Variants in AKNAD1 observed in about 807,000 individuals in gnomAD.
AKNAD1 encodes the protein protein AKNAD1.
A neutral mutation model predicts 90.8 loss-of-function variants in AKNAD1; 67 were observed. That is an observed-to-expected ratio of 0.74 (90% CI 0.61 to 0.90). AKNAD1 has a LOEUF of 0.90. Ranked by LOEUF, AKNAD1 falls within the 40% of genes least tolerant of loss-of-function variation. AKNAD1 has a pLI of 0.00. For missense variants in AKNAD1, 957 were observed against 975.4 expected (o/e 0.98, Z 0.25); for synonymous variants, 327 against 341.4 (o/e 0.96, Z 0.46).
intron 3 of AKNAD1, 117 bp downstream of exon 3, chr1:108,849,420 A>T: frequency 1.4e-6 from 1 of 702,074 alleles, no homozygotes; most frequent in Admixed American, 2.2e-5. Context: ...TCAAGGCTGC[A>T]ATGAACCAAG....
chr1:108,857,729 T>C (rs977651628), upstream of AKNAD1, among the ~76,000 whole-genome samples: 1 of 152,204 alleles, frequency 6.6e-6, no homozygotes, highest in Non-Finnish European at 1.5e-5. Context: ...GCATTGTTTC[T>C]ACTTACCTTA....
intron 4 of AKNAD1, 33 bp from the exon 5 acceptor site, chr1:108,848,847 G>A (rs749813138): frequency 3.7e-6 from 6 of 1,606,080 alleles, no homozygotes; most frequent in East Asian, 4.5e-5. Context: ...TCTCATTAAT[G>A]GCATGGTTTC....
At chr1:108,832,635 T>C (rs1312424829) in intron 9 of AKNAD1, among the ~76,000 whole-genome samples, 1 of 152,238 alleles carries the variant, frequency 6.6e-6, no homozygotes, top group East Asian at 1.9e-4. Context: ...ATTTTCTCAG[T>C]TGTCTATCTA....
intron 13 of AKNAD1, among the ~76,000 whole-genome samples, chr1:108,821,310 G>A (rs778325712): frequency 1.9e-4 from 29 of 152,022 alleles, no homozygotes; most frequent in Non-Finnish European, 3.4e-4. Context: ...AATTAGCCGG[G>A]TGTGGTGGTG....
chr1:108,839,138 C>T (rs1055754531), intron 6 of AKNAD1, among the ~76,000 whole-genome samples: 1 of 152,086 alleles, frequency 6.6e-6, no homozygotes, highest in African/African-American at 2.4e-5. Context: ...CATAATTCTA[C>T]CAAGACTTTT....
chr1:108,830,703 G>T, intron 9 of AKNAD1, 53 bp from the exon 10 acceptor site: 1 of 1,571,528 alleles, frequency 6.4e-7, no homozygotes, highest in Non-Finnish European at 8.8e-7. Flanking sequence ...GACTCACGCC[G>T]CGGCTGCACA....
At chr1:108,853,323 G>A (rs1664927842) in intron 1 of AKNAD1, among the ~76,000 whole-genome samples, 1 of 151,744 alleles carries the variant, frequency 6.6e-6, no homozygotes, top group South Asian at 2.1e-4. Context: ...AGTAGAGATG[G>A]GGTTTCACCA....
At chr1:108,849,497 C>CATAT in intron 3 of AKNAD1, 40 bp downstream of exon 3, 3 of 1,297,120 alleles carry the variant, frequency 2.3e-6, no homozygotes, top group South Asian at 2.4e-5. Context: ...AAAAACAAAA[C>CATAT]ATATATATAT....
chr1:108,852,449 G>A lies in AKNAD1; in HGVS notation c.216C>T (p.Pro72=). 2 of 1,613,644 alleles carry A rather than the reference G, an allele frequency of 1.2e-6. No homozygotes were observed. Among genetic ancestry groups the A allele is most frequent in the Non-Finnish European group, 1.7e-6 (2 of 1,179,832 alleles). Residue 72 remains proline (P), a synonymous_variant, in exon 2 of 16, where the codon CCC becomes CCT. Coordinates refer to ENST00000370001, the MANE Select transcript of AKNAD1 (RefSeq NM_152763.5). The stretch of plus-strand genomic sequence containing the variant: ...CAGCATTTTCAGTAATTTTACCCAG[G>A]GGTATGGTCACAGCTGTATTTCCAC... ...ETCGNTAVTI[P]LGKITENAAN...
chr1:108,845,675 T>C (rs1406756062), intron 5 of AKNAD1, among the ~76,000 whole-genome samples: 1 of 152,220 alleles, frequency 6.6e-6, no homozygotes, highest in Non-Finnish European at 1.5e-5. Flanking sequence ...AGACAATGCT[T>C]GAGTTTCTCA....
At chr1:108,817,208 T>C in intron 14 of AKNAD1, 31 bp from the exon 15 acceptor site, 1 of 1,612,690 alleles carries the variant, frequency 6.2e-7, no homozygotes, top group Non-Finnish European at 8.5e-7. Flanking sequence ...GATACTTGTG[T>C]CAAGCGCCAC....
At chr1:108,849,108 A>G (rs1206699953) in intron 3 of AKNAD1, 48 bp from the exon 4 acceptor site, 1 of 1,491,382 alleles carries the variant, frequency 6.7e-7, no homozygotes, top group Admixed American at 2.3e-5. Flanking sequence ...TCAACTTATC[A>G]CAGTTTTATT....
chr1:108,842,924 T>A (rs2101201695), intron 6 of AKNAD1, among the ~76,000 whole-genome samples: 1 of 152,282 alleles, frequency 6.6e-6, no homozygotes. Flanking sequence ...GGGTGTTCCA[T>A]CTGAGTCAAT....
At chr1:108,850,490 T>C in intron 2 of AKNAD1, among the ~76,000 whole-genome samples, 1 of 152,048 alleles carries the variant, frequency 6.6e-6, no homozygotes, top group East Asian at 1.9e-4. Flanking sequence ...CACGGGGGTG[T>C]AGGTTTCTCT....
intron 10 of AKNAD1, among the ~76,000 whole-genome samples, chr1:108,827,897 A>G (rs1664062616): frequency 6.6e-6 from 1 of 151,596 alleles, no homozygotes; most frequent in Non-Finnish European, 1.5e-5. Context: ...CATCACATAC[A>G]CATTCACAAA....
chr1:108,823,386 A>G lies in AKNAD1; in HGVS notation c.2151T>C (p.Ser717=), dbSNP rs1197264964. ...AFVQPHSLDE[S]KNSSPSFLKP... ...TGTACTTACAGGGTGAAGAGTTTTTACTTTCATCTAAAGAATGGGGCTGGA... is the reference window on the plus strand; with the variant it reads ...TGTACTTACAGGGTGAAGAGTTTTTGCTTTCATCTAAAGAATGGGGCTGGA... The change falls in exon 13 of 16, where the codon AGT becomes AGC. Residue 717 remains serine (S), a synonymous_variant. Transcript: ENST00000370001. 1 of 1,613,348 alleles carries G rather than the reference A, an allele frequency of 6.2e-7. No individual in the cohort carries two copies. Among genetic ancestry groups the G allele is most frequent in the Non-Finnish European group, 8.5e-7 (1 of 1,179,282 alleles).
chr1:108,830,490 C>G (rs1664155362), intron 10 of AKNAD1, 69 bp downstream of exon 10: 2 of 1,483,882 alleles, frequency 1.3e-6, no homozygotes, highest in Admixed American at 1.7e-5. Context: ...GCCGCCCACT[C>G]TCACTGGAGT....
intron 13 of AKNAD1, among the ~76,000 whole-genome samples, chr1:108,822,174 A>T (rs1663837091): frequency 6.6e-6 from 1 of 152,206 alleles, no homozygotes; most frequent in Non-Finnish European, 1.5e-5. Context: ...GTTCTAGTCC[A>T]GTGTACAGAT....
chr1:108,841,814 C>T (rs10857972), intron 6 of AKNAD1, among the ~76,000 whole-genome samples: 48,730 of 152,004 alleles, frequency 0.32, 8,793 homozygotes, highest in African/African-American at 0.5. Context: ...GAGGTGACTT[C>T]AGCCGAGATT....
Sources: allele counts gnomAD v4.1 joint callset (sites outside exome capture counted in the v4.1 genomes callset), GRCh38; gene constraint gnomAD v4.1.1; transcripts MANE v1.5; gene names NCBI Gene and HGNC (gene_info 2026-07-23, HGNC 2026-07-21).